The following DOCK1 variants were observed in gnomAD, a reference collection of about 807,000 sequenced individuals.
The protein encoded by DOCK1 is dedicator of cytokinesis 1, also known as dedicator of cytokinesis protein 1.
In DOCK1, 138 loss-of-function variants were observed where a neutral mutation model predicts 262.7. That is an observed-to-expected ratio of 0.53 (90% CI 0.46 to 0.61). The LOEUF is 0.61. Among genes scored for constraint, DOCK1 ranks in the 20% least tolerant of loss-of-function variants. DOCK1 has a pLI of 0.00. For synonymous variants in DOCK1, 866 were observed against 867.4 expected, an observed-to-expected ratio of 1.00 and a Z score of 0.03; for missense variants, 1,908 against 2,370.7, an observed-to-expected ratio of 0.80 and a Z score of 4.05.
intron 29 of DOCK1, among the ~76,000 whole-genome samples, chr10:127,274,030 G>A (rs2060658675): frequency 6.6e-6 from 1 of 152,168 alleles, no homozygotes; most frequent in South Asian, 2.1e-4. Flanking sequence ...AGATACGCTT[G>A]GGGGTAAACA....
intron 27 of DOCK1, among the ~76,000 whole-genome samples, chr10:127,174,590 C>A (rs2054901325): frequency 6.6e-6 from 1 of 152,168 alleles, no homozygotes; most frequent in Non-Finnish European, 1.5e-5. Context: ...CATAGGGCAG[C>A]CCGTGGGGAA....
At chr10:127,079,655 G>T (rs1396957739) in intron 23 of DOCK1, among the ~76,000 whole-genome samples, 2 of 152,214 alleles carry the variant, frequency 1.3e-5, no homozygotes, top group Non-Finnish European at 2.9e-5. Flanking sequence ...TCCTGGCAGG[G>T]TGAGGTGGCT....
chr10:127,362,860 T>TACACAC (rs1565026534), intron 33 of DOCK1, among the ~76,000 whole-genome samples: 1 of 36,394 alleles, frequency 2.7e-5, no homozygotes, highest in Non-Finnish European at 5.7e-5. Flanking sequence ...CACATGTACA[T>TACACAC]CCCCACACAC....
Position 127,175,375 on chromosome 10 carries a change from C to T in DOCK1, c.2847+47611C>T, listed in dbSNP as rs747492162. 6.2e-7 allele frequency: 1 copy of T among 1,613,926 alleles called. No individual in the cohort carries two copies. Among genetic ancestry groups the T allele is most frequent in the Middle Eastern group, 1.6e-4 (1 of 6,084 alleles). On this transcript the variant is annotated intron_variant, in intron 27 of 51. Coordinates refer to ENST00000623213, the MANE Select transcript of DOCK1 (RefSeq NM_001290223.2). This position sits in a 1 kb window ranked among gnomAD's most constrained non-coding sequence, Gnocchi z 6.3. ...ATTCGTTGGCATTCTTCACCTGCAG[C>T]AACCGCTGTGGGACTAGGCTGGTTC...
chr10:127,433,218 A>G, intron 47 of DOCK1, 65 bp from the exon 48 acceptor site: 6 of 1,589,728 alleles, frequency 3.8e-6, no homozygotes, highest in Middle Eastern at 1.7e-4. Context: ...ACTTTATCTC[A>G]GGAGTCTGAC....
intron 27 of DOCK1, chr10:127,196,124 C>G (rs2489380): frequency 0.81 from 123,094 of 151,822 alleles, 50,489 homozygotes; most frequent in South Asian, 0.92. Context: ...AGACTCGCCG[C>G]GCTCACGCGG....
chr10:127,428,393 G>A (rs1483377545), intron 47 of DOCK1, among the ~76,000 whole-genome samples: 1 of 152,142 alleles, frequency 6.6e-6, no homozygotes, highest in African/African-American at 2.4e-5. Flanking sequence ...CTGTGGATTG[G>A]TGTGCTGTGT....
intron 29 of DOCK1, among the ~76,000 whole-genome samples, chr10:127,319,684 A>T (rs1026870870): frequency 6.6e-6 from 1 of 152,234 alleles, no homozygotes; most frequent in Non-Finnish European, 1.5e-5. Flanking sequence ...CCTGTGGGCC[A>T]TGGAAAGCCC....
intron 1 of DOCK1, among the ~76,000 whole-genome samples, chr10:126,951,956 T>A (rs1591424959): frequency 6.6e-6 from 1 of 151,714 alleles, no homozygotes; most frequent in East Asian, 1.9e-4. Flanking sequence ...TTCAAGCGAT[T>A]TTCCTGCCTC....
chr10:127,012,739 A>G lies in DOCK1; in HGVS notation c.1201+365A>G, dbSNP rs1056752855. On this transcript the variant is annotated intron_variant, in intron 12 of 51. Transcript: ENST00000623213. This position sits in a 1 kb window ranked among gnomAD's most constrained non-coding sequence, Gnocchi z 4.0. ...TAAGAAGGTGATTTCATTTGTGCAG[A>G]CTTGCTCCCCTGAGTTCTGTCATTT... 6.6e-6 allele frequency among the ~76,000 whole-genome samples: 1 copy of G among 151,514 alleles called. No individual in the cohort carries two copies. Among genetic ancestry groups the G allele is most frequent in the Non-Finnish European group, 1.5e-5 (1 of 67,834 alleles).
chr10:127,358,460 G>A (rs569845580), intron 32 of DOCK1, among the ~76,000 whole-genome samples: 1 of 152,270 alleles, frequency 6.6e-6, no homozygotes, highest in African/African-American at 2.4e-5. Flanking sequence ...TTATCAAAGC[G>A]CACTCTGTGC....
chr10:127,404,491 C>T (rs1232496517), intron 40 of DOCK1, 62 bp downstream of exon 40: 15 of 1,490,846 alleles, frequency 1.0e-5, no homozygotes, highest in African/African-American at 4.2e-5. Flanking sequence ...ATCCCCTTCC[C>T]GTTCTGAGGA....
At chr10:127,059,546 C>G (rs12411416) in intron 22 of DOCK1, among the ~76,000 whole-genome samples, 9 of 151,994 alleles carry the variant, frequency 5.9e-5, no homozygotes, top group African/African-American at 2.2e-4. Context: ...TTTACTAATT[C>G]TGCCTCTTGC....
chr10:127,061,767 C>T lies in DOCK1; in HGVS notation c.2436C>T (p.Val812=). 1 of 1,585,302 alleles carries T rather than the reference C, an allele frequency of 6.3e-7. No homozygotes were observed. Among genetic ancestry groups the T allele is most frequent in the Non-Finnish European group, 8.6e-7 (1 of 1,165,514 alleles). The change falls in exon 23 of 52, where the codon GTC becomes GTT. Residue 812 remains valine (V), a synonymous_variant. Transcript: ENST00000623213. The part of the protein sequence containing the change: ...DMMSSMSDQT[V]RVKGAALKYL... ...TGAGCAGCATGTCAGACCAGACCGT[C>T]CGGGTGAAGGTGAGTGCCGGCCACT...
intron 3 of DOCK1, 148 bp from the exon 4 acceptor site, chr10:126,981,767 ACTT>A (rs999939847): frequency 8.5e-6 from 6 of 709,666 alleles, no homozygotes; most frequent in East Asian, 2.7e-5. Flanking sequence ...CGTCTTTTCT[ACTT>A]CTTTGTGTTT....
intron 1 of DOCK1, among the ~76,000 whole-genome samples, chr10:126,958,512 G>A (rs897487607): frequency 2.6e-5 from 4 of 152,178 alleles, no homozygotes; most frequent in Non-Finnish European, 4.4e-5. Flanking sequence ...CTGTACAGAA[G>A]GTGATCGAGA....
intron 27 of DOCK1, among the ~76,000 whole-genome samples, chr10:127,211,133 A>G (rs897166747): frequency 6.6e-6 from 1 of 152,158 alleles, no homozygotes; most frequent in Non-Finnish European, 1.5e-5. Flanking sequence ...GTGAAACTGT[A>G]CAATTGTGTC....
intron 33 of DOCK1, among the ~76,000 whole-genome samples, chr10:127,362,956 TGCATCCCC>T (rs2064638276): frequency 6.1e-4 from 2 of 3,300 alleles, no homozygotes; most frequent in African/African-American, 1.0e-3. Flanking sequence ...CATACACATG[TGCATCCCC>T]ACATACACAT....
chr10:127,376,564 G>A (rs1332875290), intron 35 of DOCK1, among the ~76,000 whole-genome samples: 2 of 152,196 alleles, frequency 1.3e-5, no homozygotes, highest in East Asian at 1.9e-4. Context: ...TCTGACCAAC[G>A]TTCAAAGTAA....
Sources: gnomAD v4.1 joint callset for allele counts (sites outside exome capture counted in the v4.1 genomes callset) on GRCh38, gnomAD v4.1.1 for gene constraint, Gnocchi (gnomAD v3.1) non-coding constraint, MANE v1.5 for transcripts, NCBI Gene and HGNC (gene_info 2026-07-23, HGNC 2026-07-21) for gene names.